DHX30: variants seen among roughly 807,000 people sequenced by gnomAD.
DHX30 encodes the protein ATP-dependent RNA helicase DHX30.
A neutral mutation model predicts 116.9 loss-of-function variants in DHX30; 4 were observed. The ratio of observed to expected loss-of-function variants is 0.03; its 90% confidence interval spans 0.02 to 0.08. DHX30 has a LOEUF of 0.08. DHX30 is among the 10% of genes least tolerant of loss of function. The pLI is 1.00. For missense variants in DHX30, 871 were observed against 1,595.1 expected, an observed-to-expected ratio of 0.55 and a Z score of 7.73; for synonymous variants, 697 against 651.7, an observed-to-expected ratio of 1.07 and a Z score of -1.06.
Position 47,847,314 on chromosome 3 carries a change from T to A in DHX30, c.1971T>A (p.Asp657Glu), listed in dbSNP as rs760266017. 18 of 1,614,106 alleles carry A rather than the reference T, an allele frequency of 1.1e-5. No homozygotes were observed. Among genetic ancestry groups the A allele is most frequent in the Non-Finnish European group, 1.4e-5 (17 of 1,180,040 alleles). ...CACTCGATTTGGACCTTGTGACTGA[T>A]CTGGTTCTGCACATCGATGCTCGCG... The part of the protein sequence containing the change: ...ECALDLDLVT[D>E]LVLHIDARGE... Residue 657 changes from aspartate (D) to glutamate (E), a missense_variant, in exon 12 of 22, where the codon GAT (aspartate) becomes GAA (glutamate). By Grantham distance (45) the Asp-to-Glu change is conservative. Coordinates refer to ENST00000445061, the MANE Select transcript of DHX30 (RefSeq NM_138615.3). The surrounding 1 kb of genome is among the most constrained non-coding windows in gnomAD (Gnocchi z 5.5).
chr3:47,815,392 A>G (rs895825372), intron 3 of DHX30, among the ~76,000 whole-genome samples: 31 of 152,154 alleles, frequency 2.0e-4, no homozygotes, highest in Non-Finnish European at 5.9e-5. Context: ...CCTGCTGTGT[A>G]GGAGACACTA....
At chr3:47,812,227 CA>C (rs948233128) in intron 3 of DHX30, among the ~76,000 whole-genome samples, 3 of 148,634 alleles carry the variant, frequency 2.0e-5, no homozygotes, top group Non-Finnish European at 3.0e-5. Context: ...GATGCCATCT[CA>C]AAAATAAATA....
intron 4 of DHX30, chr3:47,825,156 C>T (rs2036493569): frequency 4.5e-6 from 3 of 670,294 alleles, no homozygotes; most frequent in Non-Finnish European, 5.4e-6. Context: ...CTTCAAGCTG[C>T]GCCCACCCCG....
chr3:47,837,501 GC>G (rs1285555362), intron 6 of DHX30, among the ~76,000 whole-genome samples: 1 of 152,168 alleles, frequency 6.6e-6, no homozygotes, highest in African/African-American at 2.4e-5. Context: ...AGGCATGAGG[GC>G]CTGTAATCCT....
chr3:47,850,089 G>T lies in DHX30; in HGVS notation c.3554G>T (p.Ser1185Ile). 6.3e-7 allele frequency: 1 copy of T among 1,595,744 alleles called. No individual in the cohort carries two copies. The highest frequency in any genetic ancestry group is 8.5e-7 in the Non-Finnish European group (1 of 1,173,764). Residue 1185 changes from serine (S) to isoleucine (I), a missense_variant, in exon 22 of 22, where the codon AGC becomes ATC. This residue lies in a region of DHX30 where 52 missense variants were observed against 50.1 expected (regional missense o/e 1.04). Transcript: ENST00000445061. The part of the protein sequence containing the change: ...LAELLRGPCG[S>I]FDVRKTADD Reference sequence around the variant, plus strand: ...GAGCTGCTGCGAGGACCCTGTGGCAGCTTTGATGTGCGCAAGACAGCTGAC... The same window carrying T: ...GAGCTGCTGCGAGGACCCTGTGGCATCTTTGATGTGCGCAAGACAGCTGAC...
chr3:47,810,618 G>A, intron 2 of DHX30, 39 bp from the exon 3 acceptor site: 2 of 1,541,934 alleles, frequency 1.3e-6, no homozygotes, highest in Non-Finnish European at 1.8e-6. Flanking sequence ...GCTGGACCAG[G>A]AATATTAACC....
intron 2 of DHX30, 106 bp downstream of exon 2, chr3:47,805,526 G>A (rs2035477825): frequency 2.5e-6 from 1 of 396,294 alleles, no homozygotes; most frequent in Non-Finnish European, 4.4e-6. Context: ...TTGGAAGAAG[G>A]ATATCATTTA....
intron 9 of DHX30, among the ~76,000 whole-genome samples, chr3:47,845,336 G>A (rs1021849376): frequency 2.0e-5 from 3 of 151,882 alleles, no homozygotes; most frequent in Middle Eastern, 6.8e-3. Flanking sequence ...TATAGGTGCC[G>A]GCCCCCCACC....
intron 4 of DHX30, chr3:47,825,166 G>C: frequency 1.5e-6 from 1 of 668,384 alleles, no homozygotes; most frequent in Admixed American, 2.2e-5. Context: ...CGCCCACCCC[G>C]ACCACACCAA....
chr3:47,848,882 C>T lies in DHX30; in HGVS notation c.2770-38C>T, dbSNP rs753355613. On this transcript the variant is annotated intron_variant, in intron 17 of 21. Transcript: ENST00000445061. The surrounding 1 kb of genome is among the most constrained non-coding windows in gnomAD (Gnocchi z 9.4). ...TGTTCTGAGGGGGCGTTGTCTAGCC[C>T]CTGCCTGTGATCCGGCTGCCCTCTT... 1.3e-6 allele frequency: 2 copies of T among 1,597,098 alleles called. No homozygotes were observed. The highest frequency in any genetic ancestry group is 1.3e-5 in the African/African-American group (1 of 74,744).
intron 6 of DHX30, among the ~76,000 whole-genome samples, chr3:47,837,698 T>C (rs1357267654): frequency 6.6e-6 from 1 of 152,044 alleles, no homozygotes; most frequent in Admixed American, 6.5e-5. Context: ...CAGGCAGAGG[T>C]TGCAGTGAGC....
At chr3:47,842,995 T>C in intron 8 of DHX30, 111 bp from the exon 9 acceptor site, 3 of 1,377,706 alleles carry the variant, frequency 2.2e-6, no homozygotes, top group Non-Finnish European at 3.0e-6. Flanking sequence ...GCCTGGCACC[T>C]GCTGAGATGG....
At position 47,846,979 on chromosome 3, in the gene DHX30, T is replaced by TGCACCG. The variant is rs772302527; in HGVS notation, c.1919_1924dup (p.Arg640_His641dup). On this transcript the variant is annotated inframe_insertion, in exon 11 of 22. Transcript: ENST00000445061. ...GCCAAGTTGGGCAAGCACCAGTACC[T>TGCACCG]GCACCGGCACCGGCACCATGAGGTG... 5.6e-6 allele frequency: 9 copies of TGCACCG among 1,612,326 alleles called. No homozygotes were observed. The highest frequency in any genetic ancestry group is 2.2e-5 in the East Asian group (1 of 44,850).
chr3:47,843,174 C>T lies in DHX30; in HGVS notation c.858C>T (p.Cys286=). ...KLSTLTLLWP[C]PMTFVAKGRR... ...CTACACTCACCCTGCTCTGGCCCTG[C>T]CCCATGACCTTTGTTGCCAAAGGGC... The change falls in exon 9 of 22, where the codon TGC becomes TGT. Residue 286 remains cysteine, a synonymous_variant. Transcript: ENST00000445061. 1 of 1,614,280 alleles carries T rather than the reference C, an allele frequency of 6.2e-7. No individual in the cohort carries two copies. The highest frequency in any genetic ancestry group is 8.5e-7 in the Non-Finnish European group (1 of 1,180,052).
chr3:47,820,637 G>T (rs1208478571), intron 4 of DHX30, among the ~76,000 whole-genome samples: 1 of 152,128 alleles, frequency 6.6e-6, no homozygotes. Flanking sequence ...GGCCTCCAAA[G>T]TATAGGTTCC....
intron 8 of DHX30, chr3:47,842,444 G>T (rs2037421538): frequency 6.6e-6 from 1 of 152,318 alleles, no homozygotes; most frequent in South Asian, 2.1e-4. Flanking sequence ...CTTGCACCTG[G>T]TACTGTTGCT....
At chr3:47,839,603 C>T (rs2037274331) in intron 6 of DHX30, among the ~76,000 whole-genome samples, 1 of 151,868 alleles carries the variant, frequency 6.6e-6, no homozygotes, top group Non-Finnish European at 1.5e-5. Context: ...CTTCAGGATT[C>T]TTATATTCTT....
intron 6 of DHX30, chr3:47,831,088 A>G (rs1265913261): frequency 1.3e-5 from 2 of 151,778 alleles, no homozygotes; most frequent in African/African-American, 2.4e-5. Context: ...GTCCATTGCT[A>G]TAAAGGAATA....
At chr3:47,846,033 A>G in intron 10 of DHX30, 132 bp from the exon 11 acceptor site, 1 of 1,391,444 alleles carries the variant, frequency 7.2e-7, no homozygotes, top group Non-Finnish European at 9.8e-7. Flanking sequence ...CGGGGCAGTC[A>G]TGGACTAAAT....
Sources: allele counts gnomAD v4.1 joint callset (sites outside exome capture counted in the v4.1 genomes callset), GRCh38; gene constraint gnomAD v4.1.1; regional missense constraint gnomAD v4.1.1; non-coding constraint Gnocchi (gnomAD v3.1); transcripts MANE v1.5; gene names NCBI Gene and HGNC (gene_info 2026-07-23, HGNC 2026-07-21).